MYRIP: variants seen among roughly 807,000 people sequenced by gnomAD.
MYRIP encodes rab effector MyRIP.
In MYRIP, 49 loss-of-function variants were observed where a neutral mutation model predicts 98.0. That is an observed-to-expected ratio of 0.50 (90% CI 0.40 to 0.63). The LOEUF (loss-of-function observed/expected upper bound fraction) is 0.63, where lower values mean the gene tolerates loss of function less well. Among genes scored for constraint, MYRIP ranks in the 30% least tolerant of loss-of-function variants. The probability of loss-of-function intolerance (pLI) is 0.00; values close to 1 mark genes in which losing one functional copy is unlikely to be tolerated. For missense variants in MYRIP, 1,004 were observed against 1,058.2 expected (o/e 0.95, Z 0.71); for synonymous variants, 404 against 409.5 (o/e 0.99, Z 0.16).
At chr3:40,136,149 C>T (rs575516174) in intron 3 of MYRIP, among the ~76,000 whole-genome samples, 9 of 152,218 alleles carry the variant, frequency 5.9e-5, no homozygotes, top group African/African-American at 1.4e-4. Context: ...ATCTCATGTG[C>T]GGAGACAAAC....
chr3:39,962,436 A>G (rs1441944773), intron 2 of MYRIP, among the ~76,000 whole-genome samples: 3 of 146,028 alleles, frequency 2.1e-5, no homozygotes, highest in African/African-American at 5.3e-5. Flanking sequence ...ACTAATGGCT[A>G]CATGGTCTCT....
intron 10 of MYRIP, among the ~76,000 whole-genome samples, chr3:40,206,731 C>T (rs566018923): frequency 6.6e-6 from 1 of 152,302 alleles, no homozygotes; most frequent in East Asian, 1.9e-4. Flanking sequence ...CCTTTGAGCC[C>T]CAGTAAAGCA....
intron 11 of MYRIP, among the ~76,000 whole-genome samples, chr3:40,217,541 TACTG>T (rs1952162133): frequency 1.3e-5 from 2 of 152,288 alleles, no homozygotes; most frequent in African/African-American, 4.8e-5. Context: ...TACTCATAAA[TACTG>T]AATGAAGAAT....
chr3:40,136,598 A>C (rs566201579), intron 3 of MYRIP, among the ~76,000 whole-genome samples: 32 of 151,600 alleles, frequency 2.1e-4, no homozygotes, highest in African/African-American at 7.5e-4. Context: ...TCAGCACCAC[A>C]CCACACCTAT....
intron 2 of MYRIP, among the ~76,000 whole-genome samples, chr3:39,975,792 A>G (rs564092936): frequency 6.6e-6 from 1 of 152,318 alleles, no homozygotes; most frequent in South Asian, 2.1e-4. Context: ...AAAACAAGCA[A>G]TGGGGAAAGG....
chr3:40,166,759 C>G (rs910160585), intron 5 of MYRIP, 87 bp from the exon 6 acceptor site: 15 of 915,834 alleles, frequency 1.6e-5, no homozygotes, highest in Middle Eastern at 4.3e-4. Context: ...TCCCAGAGCC[C>G]CTGAAGAATT....
chr3:40,087,811 C>T (rs1338291776), intron 3 of MYRIP, among the ~76,000 whole-genome samples: 2 of 152,062 alleles, frequency 1.3e-5, no homozygotes, highest in Non-Finnish European at 2.9e-5. Flanking sequence ...AGGGTGTTTC[C>T]AAGAAACAAC....
At chr3:40,101,717 C>A (rs192714021) in intron 3 of MYRIP, among the ~76,000 whole-genome samples, 1 of 152,228 alleles carries the variant, frequency 6.6e-6, no homozygotes, top group Admixed American at 6.5e-5. Flanking sequence ...ATTCCCTTTA[C>A]TATGTAATGC....
At chr3:39,998,842 G>A (rs1056063569) in intron 2 of MYRIP, among the ~76,000 whole-genome samples, 10 of 152,120 alleles carry the variant, frequency 6.6e-5, no homozygotes, top group African/African-American at 2.4e-4. Flanking sequence ...ATAGACCAAT[G>A]GAACACAACG....
At chr3:40,176,732 A>C (rs184163618) in intron 8 of MYRIP, among the ~76,000 whole-genome samples, 1 of 151,966 alleles carries the variant, frequency 6.6e-6, no homozygotes, top group Admixed American at 6.5e-5. Flanking sequence ...ACATAGTGAA[A>C]CCCTGTCTCT....
intron 2 of MYRIP, among the ~76,000 whole-genome samples, chr3:39,925,573 C>T (rs924838490): frequency 7.2e-5 from 11 of 152,056 alleles, no homozygotes; most frequent in Middle Eastern, 3.2e-3. Flanking sequence ...TAAGTGAGAA[C>T]ATGTGGTATT....
At chr3:39,916,078 T>C (rs1380802657) in intron 2 of MYRIP, among the ~76,000 whole-genome samples, 1 of 151,946 alleles carries the variant, frequency 6.6e-6, no homozygotes, top group Admixed American at 6.6e-5. Context: ...ACATCTCCTC[T>C]CCAAAGACTA....
At chr3:39,875,947 T>A (rs1227503596) in intron 1 of MYRIP, among the ~76,000 whole-genome samples, 124 of 152,024 alleles carry the variant, frequency 8.2e-4, no homozygotes, top group African/African-American at 2.6e-3. Context: ...GGGGTGTTAA[T>A]GTCTCCCATT....
At chr3:39,910,978 A>C (rs963258901) in intron 2 of MYRIP, among the ~76,000 whole-genome samples, 35 of 152,188 alleles carry the variant, frequency 2.3e-4, no homozygotes, top group Non-Finnish European at 1.0e-4. Context: ...TGTCACGTGA[A>C]GGTGGTCTCT....
intron 1 of MYRIP, among the ~76,000 whole-genome samples, chr3:39,840,950 C>T (rs905063487): frequency 6.6e-6 from 1 of 152,118 alleles, no homozygotes; most frequent in Non-Finnish European, 1.5e-5. Flanking sequence ...TGGGGTTGCT[C>T]TTCTCAAGGA....
intron 3 of MYRIP, among the ~76,000 whole-genome samples, chr3:40,079,619 T>G (rs1031522069): frequency 2.6e-5 from 4 of 152,236 alleles, no homozygotes; most frequent in Non-Finnish European, 4.4e-5. Flanking sequence ...ATGCATTCCC[T>G]AGGTGCATTC....
At chr3:40,122,743 T>C (rs1014453374) in intron 3 of MYRIP, among the ~76,000 whole-genome samples, 2 of 152,086 alleles carry the variant, frequency 1.3e-5, no homozygotes, top group African/African-American at 2.4e-5. Context: ...GGAGTATATA[T>C]ATTTTGATAT....
At chr3:40,202,873 C>G (rs1951607661) in intron 10 of MYRIP, among the ~76,000 whole-genome samples, 1 of 151,988 alleles carries the variant, frequency 6.6e-6, no homozygotes, top group African/African-American at 2.4e-5. Flanking sequence ...TCTTCCCCCA[C>G]CACTCATATC....
At chr3:40,015,503 G>A (rs554633855) in intron 2 of MYRIP, among the ~76,000 whole-genome samples, 1 of 152,318 alleles carries the variant, frequency 6.6e-6, no homozygotes, top group Non-Finnish European at 1.5e-5. Flanking sequence ...TGGATTCTGG[G>A]ACCAGCAGGG....
Sources: allele counts gnomAD v4.1 joint callset (sites outside exome capture counted in the v4.1 genomes callset), GRCh38; gene constraint gnomAD v4.1.1; transcripts MANE v1.5; gene names NCBI Gene and HGNC (gene_info 2026-07-23, HGNC 2026-07-21).